The following PCDHGA5 variants were observed in gnomAD, a reference collection of about 807,000 sequenced individuals.
The protein encoded by PCDHGA5 is protocadherin gamma-A5.
Under a neutral mutation model 56.7 loss-of-function variants are expected in PCDHGA5, and 36 were observed. The observed-to-expected ratio is 0.64, with a 90% confidence interval of 0.49 to 0.84. The LOEUF is 0.84. Among genes scored for constraint, PCDHGA5 ranks in the 40% least tolerant of loss-of-function variants. The pLI is 0.00. For missense variants in PCDHGA5, 1,305 were observed against 1,201.5 expected (o/e 1.09, Z -1.27); for synonymous variants, 563 against 520.2 (o/e 1.08, Z -1.12).
chr5:141,400,126 G>C, intron 1 of PCDHGA5: 1 of 1,614,090 alleles, frequency 6.2e-7, no homozygotes. Context: ...CTTGCAGGAG[G>C]TGCTGCCGGA....
chr5:141,470,565 A>T (rs2099233471), intron 1 of PCDHGA5, among the ~76,000 whole-genome samples: 1 of 152,172 alleles, frequency 6.6e-6, no homozygotes, highest in African/African-American at 2.4e-5. Context: ...CCTCTGTGCC[A>T]AGCAGGATCA....
intron 1 of PCDHGA5, chr5:141,421,164 A>G (rs1304650780): frequency 1.6e-6 from 2 of 1,286,298 alleles, no homozygotes; most frequent in African/African-American, 1.5e-5. Flanking sequence ...GACTTCATAG[A>G]TACATAAGCC....
intron 1 of PCDHGA5, chr5:141,389,866 T>C: frequency 6.2e-7 from 1 of 1,614,082 alleles, no homozygotes; most frequent in South Asian, 1.1e-5. Context: ...TTGCACCTGG[T>C]CTTCGCCGAC....
rs951029522 is a variant in PCDHGA5, at chr5:141,487,944, G to A, written c.2422-6863G>A. 6.6e-6 allele frequency among the ~76,000 whole-genome samples: 1 copy of A among 152,164 alleles called. No homozygotes were observed. Among genetic ancestry groups the A allele is most frequent in the Admixed American group, 6.5e-5 (1 of 15,282 alleles). On this transcript the variant is annotated intron_variant, in intron 1 of 3. Transcript: ENST00000518069. The surrounding 1 kb of genome is among the most constrained non-coding windows in gnomAD (Gnocchi z 5.0). ...ACAGTGCACAGGGTACAGTGCACCA[G>A]GCAGTCACTTGGACAAAGGTGGCTG...
At position 141,448,695 on chromosome 5, in the gene PCDHGA5, C is replaced by T. The variant is rs535473305; in HGVS notation, c.2422-46112C>T. 2.7e-4 allele frequency among the ~76,000 whole-genome samples: 41 copies of T among 152,246 alleles called. No homozygotes were observed. In the South Asian group the frequency reaches 8.5e-3, roughly 32 times the overall value. On this transcript the variant is annotated intron_variant, in intron 1 of 3. Coordinates refer to ENST00000518069, the MANE Select transcript of PCDHGA5 (RefSeq NM_018918.3). Reference sequence around the variant, plus strand: ...GTGGCTCACGCCTGTAATCGCAGCACTTTGGGAGGCCGAGGCGGGAGGATC... The same window carrying T: ...GTGGCTCACGCCTGTAATCGCAGCATTTTGGGAGGCCGAGGCGGGAGGATC...
At chr5:141,418,740 TG>T in intron 1 of PCDHGA5, 1 of 1,613,972 alleles carries the variant, frequency 6.2e-7, no homozygotes, top group Non-Finnish European at 8.5e-7. Context: ...GTGTTCTCTC[TG>T]GATTACACTA....
At chr5:141,483,425 G>A (rs1460083757) in intron 1 of PCDHGA5, among the ~76,000 whole-genome samples, 1 of 152,116 alleles carries the variant, frequency 6.6e-6, no homozygotes, top group Non-Finnish European at 1.5e-5. Flanking sequence ...ACAGATGGAG[G>A]GAGCTGACTA....
Position 141,423,157 on chromosome 5 carries a change from G to C in PCDHGA5, c.2421+56406G>C, listed in dbSNP as rs527921011. The C allele has an allele frequency of 7.4e-6, 12 of 1,610,820 alleles. No homozygotes were observed. The South Asian group carries it at 1.2e-4, about 16-fold the overall frequency. ...CAGAGACGCGCTCAAGCAGAGCCTC[G>C]TGGTGGCCGTCCAGGACCACGGCCA... On this transcript the variant is annotated intron_variant, in intron 1 of 3. Coordinates refer to ENST00000518069, the MANE Select transcript of PCDHGA5 (RefSeq NM_018918.3).
At chr5:141,458,485 A>G (rs2098946793) in intron 1 of PCDHGA5, among the ~76,000 whole-genome samples, 1 of 151,558 alleles carries the variant, frequency 6.6e-6, no homozygotes, top group Non-Finnish European at 1.5e-5. Context: ...GAAAATGAGG[A>G]CTGCCTGTAC....
rs1347978078 is a variant in PCDHGA5, at chr5:141,486,800, C to G, written c.2422-8007C>G. ...GGTGCAGGCCCGGGATCGGGGCAAC[C>G]CACCCCTTAGCAGCACTGTAACAGT... On this transcript the variant is annotated intron_variant, in intron 1 of 3. Coordinates refer to ENST00000518069, the MANE Select transcript of PCDHGA5 (RefSeq NM_018918.3). The surrounding 1 kb of genome is among the most constrained non-coding windows in gnomAD (Gnocchi z 5.0). 1.9e-6 allele frequency: 3 copies of G among 1,614,104 alleles called. No individual in the cohort carries two copies. In the Admixed American group the frequency reaches 5.0e-5, roughly 27 times the overall value.
rs762433242 is a variant in PCDHGA5, at chr5:141,476,856, C to A, written c.2422-17951C>A. 2.5e-6 allele frequency: 4 copies of A among 1,613,762 alleles called. No individual in the cohort carries two copies. In the East Asian group the frequency reaches 6.7e-5, roughly 27 times the overall value. ...GACAATGCGCCTGTCTTCAACCAGTCCTTGTACCGGGCGCGCGTCCTGGAG... is the reference window on the plus strand; with the variant it reads ...GACAATGCGCCTGTCTTCAACCAGTACTTGTACCGGGCGCGCGTCCTGGAG... On this transcript the variant is annotated intron_variant, in intron 1 of 3. Coordinates refer to ENST00000518069, the MANE Select transcript of PCDHGA5 (RefSeq NM_018918.3). This position sits in a 1 kb window ranked among gnomAD's most constrained non-coding sequence, Gnocchi z 7.6.
intron 1 of PCDHGA5, among the ~76,000 whole-genome samples, chr5:141,448,086 T>TA (rs558292628): frequency 0.011 from 1,579 of 146,268 alleles, 11 homozygotes; most frequent in Non-Finnish European, 0.016. Context: ...AATGCCATCT[T>TA]AAAAAAAAAA....
At chr5:141,370,427 A>G (rs372276982) in intron 1 of PCDHGA5, 205 of 1,590,086 alleles carry the variant, frequency 1.3e-4, no homozygotes, top group Non-Finnish European at 1.7e-4. Context: ...GGGGCCCAGC[A>G]GGGCAGAGGC....
intron 1 of PCDHGA5, chr5:141,440,542 C>T (rs1448576873): frequency 6.6e-6 from 1 of 152,206 alleles, no homozygotes; most frequent in Non-Finnish European, 1.5e-5. Context: ...CACGGTTCAG[C>T]AGGAATGTTA....
intron 1 of PCDHGA5, chr5:141,400,570 T>C: frequency 6.2e-7 from 1 of 1,612,974 alleles, no homozygotes; most frequent in Non-Finnish European, 8.5e-7. Context: ...CACCCAATTT[T>C]CTGTATTTAC....
Position 141,429,390 on chromosome 5 carries a change from A to ATTTT in PCDHGA5, c.2421+62639_2421+62640insTTTT, listed in dbSNP as rs1561841316. ...TGGAGAAAATGTGTTTTTTTTTTAA[A>ATTTT]AAAAATTGAGATTAAGGTCTCATTA... On this transcript the variant is annotated intron_variant, in intron 1 of 3. Coordinates refer to ENST00000518069, the MANE Select transcript of PCDHGA5 (RefSeq NM_018918.3). 1.2e-4 allele frequency among the ~76,000 whole-genome samples: 18 copies of ATTTT among 150,328 alleles called. No homozygotes were observed. In the East Asian group the frequency reaches 1.9e-3, roughly 16 times the overall value.
At chr5:141,440,431 A>G (rs1338519888) in intron 1 of PCDHGA5, 1 of 152,222 alleles carries the variant, frequency 6.6e-6, no homozygotes, top group Non-Finnish European at 1.5e-5. Flanking sequence ...TGGGTGACAG[A>G]GCAAGGCGCC....
At position 141,485,791 on chromosome 5, in the gene PCDHGA5, G is replaced by A; in HGVS notation, c.2422-9016G>A. The A allele has an allele frequency of 6.2e-7, 1 of 1,614,196 alleles. No homozygotes were observed. The highest frequency in any genetic ancestry group is 8.5e-7 in the Non-Finnish European group (1 of 1,180,032). ...AGCCTTTGGATCGAGAGAAGCAATC[G>A]GACTACCGCCTGGTGCTGACTGCTG... On this transcript the variant is annotated intron_variant, in intron 1 of 3. Transcript: ENST00000518069. The surrounding 1 kb of genome is among the most constrained non-coding windows in gnomAD (Gnocchi z 5.7).
rs754618010 is a variant in PCDHGA5 at position 141,370,745 on chromosome 5, T to G, written c.2421+3994T>G. 19 of 1,613,834 alleles carry G rather than the reference T, an allele frequency of 1.2e-5. 1 individual carries two copies. In the South Asian group the frequency reaches 2.1e-4, roughly 18 times the overall value. ...TTGCTGAAAAGCCTTTAAACTTTTT[T>G]CATGTAACTGTGCTGATCCAGGATA... On this transcript the variant is annotated intron_variant, in intron 1 of 3. Coordinates refer to ENST00000518069, the MANE Select transcript of PCDHGA5 (RefSeq NM_018918.3).
Sources: allele counts gnomAD v4.1 joint callset (sites outside exome capture counted in the v4.1 genomes callset), GRCh38; gene constraint gnomAD v4.1.1; non-coding constraint Gnocchi (gnomAD v3.1); transcripts MANE v1.5; gene names NCBI Gene and HGNC (gene_info 2026-07-23, HGNC 2026-07-21).